The following GPC3 variants were observed in gnomAD, a reference collection of about 807,000 sequenced individuals.
The protein encoded by GPC3 is glypican 3.
In GPC3, 3 loss-of-function variants were observed where a neutral mutation model predicts 34.4. The observed-to-expected ratio is 0.09, with a 90% confidence interval of 0.04 to 0.23. The LOEUF is 0.23. Among genes scored for constraint, GPC3 ranks in the 10% least tolerant of loss-of-function variants. The pLI is 1.00. For synonymous variants in GPC3, 177 were observed against 174.0 expected, an observed-to-expected ratio of 1.02 and a Z score of -0.13; for missense variants, 351 against 445.6, an observed-to-expected ratio of 0.79 and a Z score of 1.91.
chrX:133,708,541 C>T (rs1465936965), intron 3 of GPC3, among the ~76,000 whole-genome samples: 2 of 111,497 alleles, frequency 1.8e-5, no homozygotes, highest in Admixed American at 9.6e-5. Flanking sequence ...ATGGCCTAGG[C>T]GATGGGATCA....
chrX:133,965,895 AG>A (rs969287357), intron 1 of GPC3, among the ~76,000 whole-genome samples: 1 of 104,058 alleles, frequency 9.6e-6, no homozygotes, highest in African/African-American at 3.6e-5. Context: ...TAGAAGGAGT[AG>A]GGGGGAGAGA....
Position 133,536,055 on chromosome X carries a change from AAGTGGTTC to A in GPC3, c.*61_*68del. 1.2e-6 allele frequency: 1 copy of A among 849,773 alleles called. No homozygotes were observed. The highest frequency in any genetic ancestry group is 1.7e-6 in the Non-Finnish European group (1 of 583,350). 70.0% of individuals were successfully genotyped at this position (849,773 alleles called of 1,213,427 possible). A position where few individuals can be genotyped will look rare whatever the true frequency, so the allele number is the denominator to read the frequency against. The stretch of plus-strand genomic sequence containing the variant: ...AAAAAAAAAATAGAAAAAAATAAGA[AAGTGGTTC>A]CCTTTATCGAGGAAGACCACAGGGT... On this transcript the variant is annotated 3_prime_UTR_variant, in exon 8 of 8. Transcript: ENST00000370818.
chrX:133,671,109 A>G (rs983750042), intron 5 of GPC3: 6 of 860,170 alleles, frequency 7.0e-6, no homozygotes, highest in Non-Finnish European at 1.0e-5. Context: ...CTAAGACAGG[A>G]AAAACTAGCC....
intron 3 of GPC3, 129 bp downstream of exon 3, chrX:133,753,353 T>C: frequency 1.8e-6 from 1 of 551,093 alleles, no homozygotes; most frequent in Non-Finnish European, 3.2e-6. Flanking sequence ...CTCTGTGAGG[T>C]CATTCAGTCC....
intron 3 of GPC3, among the ~76,000 whole-genome samples, chrX:133,709,119 C>T (rs1265402257): frequency 2.7e-5 from 3 of 111,873 alleles, no homozygotes; most frequent in African/African-American, 9.7e-5. Flanking sequence ...ATATCATTCT[C>T]TTAATTGAAG....
intron 2 of GPC3, among the ~76,000 whole-genome samples, chrX:133,808,554 G>T (rs2075647757): frequency 9.0e-6 from 1 of 111,533 alleles, no homozygotes; most frequent in Non-Finnish European, 1.9e-5. Flanking sequence ...AGAAGACCCA[G>T]AATTATTCAC....
At chrX:133,685,786 G>T (rs747988010) in intron 5 of GPC3, among the ~76,000 whole-genome samples, 1 of 106,336 alleles carries the variant, frequency 9.4e-6, no homozygotes, top group South Asian at 4.5e-4. Flanking sequence ...AAGAGATGGG[G>T]TCTTGCTGTG....
Position 133,838,449 on chromosome X carries a change from T to A in GPC3, c.338-84273A>T, listed in dbSNP as rs187410890. The stretch of plus-strand genomic sequence containing the variant: ...CATACTGGGTACTTGAGTCTTTTTG[T>A]TCCCTGAACACATTAACTTGACATT... On this transcript the variant is annotated intron_variant, in intron 2 of 7. Transcript: ENST00000370818. Among the ~76,000 whole-genome samples, 6 of 112,643 alleles carry A rather than the reference T, an allele frequency of 5.3e-5. No individual in the cohort carries two copies. The Admixed American group carries it at 5.6e-4, about 11-fold the overall frequency.
At chrX:133,745,126 G>C (rs568628234) in intron 3 of GPC3, among the ~76,000 whole-genome samples, 1 of 111,529 alleles carries the variant, frequency 9.0e-6, no homozygotes, top group Non-Finnish European at 1.9e-5. Context: ...AAACCTGCAT[G>C]TTCTGCACGT....
chrX:133,673,172 T>C (rs1271455770), intron 5 of GPC3, among the ~76,000 whole-genome samples: 1 of 111,029 alleles, frequency 9.0e-6, no homozygotes, highest in Non-Finnish European at 1.9e-5. Context: ...AACTCCGACC[T>C]CGTGATCCAC....
At chrX:133,579,634 C>G (rs2069716406) in intron 7 of GPC3, among the ~76,000 whole-genome samples, 2 of 111,948 alleles carry the variant, frequency 1.8e-5, no homozygotes, top group African/African-American at 6.5e-5. Flanking sequence ...CCCTTAACCT[C>G]CTGGGCTCAA....
intron 1 of GPC3, among the ~76,000 whole-genome samples, chrX:133,955,071 TCTC>T (rs2076411112): frequency 9.0e-6 from 1 of 111,005 alleles, no homozygotes; most frequent in African/African-American, 3.3e-5. Context: ...CATTTGTTGA[TCTC>T]CTTCTGTGGT....
chrX:133,566,254 C>T (rs1478316561), intron 7 of GPC3, among the ~76,000 whole-genome samples: 3 of 111,394 alleles, frequency 2.7e-5, no homozygotes, highest in Admixed American at 9.6e-5. Flanking sequence ...ATGATATTGC[C>T]GATTCCAGCA....
intron 1 of GPC3, among the ~76,000 whole-genome samples, chrX:133,955,388 C>A (rs1228771887): frequency 1.8e-5 from 2 of 111,310 alleles, no homozygotes; most frequent in Non-Finnish European, 3.8e-5. Context: ...AAGGGTCAGA[C>A]CTGCACCATG....
intron 2 of GPC3, among the ~76,000 whole-genome samples, chrX:133,861,031 G>A (rs945649908): frequency 2.7e-5 from 3 of 111,349 alleles, no homozygotes; most frequent in Non-Finnish European, 5.7e-5. Context: ...GAGCCTGGGA[G>A]GTTGAATCTG....
intron 2 of GPC3, among the ~76,000 whole-genome samples, chrX:133,822,499 T>C (rs188431939): frequency 1.3e-3 from 146 of 111,941 alleles, no homozygotes; most frequent in Admixed American, 2.1e-3. Context: ...CAGTATATCA[T>C]TGTATTCTAT....
chrX:133,772,778 A>T (rs748026825), intron 2 of GPC3, among the ~76,000 whole-genome samples: 2 of 111,884 alleles, frequency 1.8e-5, no homozygotes, highest in East Asian at 2.8e-4. Context: ...CTCACATTTT[A>T]TTAATTAATT....
chrX:133,716,001 C>T lies in GPC3; in HGVS notation c.1033-15973G>A, dbSNP rs903972441. ...ACTTCAGCAAAGACTGAGAGACTTA[C>T]TGGTTCCAGAAAGTTAAGGAAAACA... On this transcript the variant is annotated intron_variant, in intron 3 of 7. Coordinates refer to ENST00000370818, the MANE Select transcript of GPC3 (RefSeq NM_004484.4). 5.4e-5 allele frequency among the ~76,000 whole-genome samples: 6 copies of T among 111,909 alleles called. No homozygotes were observed. The Admixed American group carries it at 5.7e-4, about 11-fold the overall frequency.
At chrX:133,918,673 T>C (rs2076234995) in intron 2 of GPC3, among the ~76,000 whole-genome samples, 2 of 112,019 alleles carry the variant, frequency 1.8e-5, no homozygotes, top group African/African-American at 6.5e-5. Flanking sequence ...GTATGGTCCA[T>C]GTGAAGAGCA....
Sources: allele counts gnomAD v4.1 joint callset (sites outside exome capture counted in the v4.1 genomes callset), GRCh38; gene constraint gnomAD v4.1.1; transcripts MANE v1.5; gene names NCBI Gene and HGNC (gene_info 2026-07-23, HGNC 2026-07-21).